STARD13: variants seen among roughly 807,000 people sequenced by gnomAD.
STARD13 encodes the protein stAR-related lipid transfer protein 13.
STARD13 carries 62 observed loss-of-function variants against 106.4 expected under a neutral mutation model. The ratio of observed to expected loss-of-function variants is 0.58; its 90% CI spans 0.48 to 0.72. The LOEUF (loss-of-function observed/expected upper bound fraction) is 0.72, where lower values mean the gene tolerates loss of function less well. STARD13 is among the 30% of genes least tolerant of loss of function. The pLI, the probability that STARD13 is intolerant of heterozygous loss-of-function variation, is 0.00. For missense variants in STARD13, 1,387 were observed against 1,424.0 expected, an observed-to-expected ratio of 0.97 and a Z score of 0.42; for synonymous variants, 565 against 553.0, an observed-to-expected ratio of 1.02 and a Z score of -0.31.
At chr13:33,108,043 C>G (rs1363195728) in intron 12 of STARD13, among the ~76,000 whole-genome samples, 1 of 152,210 alleles carries the variant, frequency 6.6e-6, no homozygotes, top group Admixed American at 6.5e-5. Flanking sequence ...TGTGACTACT[C>G]TTTTCATGAA....
At position 33,214,699 on chromosome 13, in the gene STARD13, T is replaced by TACAC. The variant is rs55996131; in HGVS notation, c.170-47081_170-47078dup. Among the ~76,000 whole-genome samples, 909 of 144,126 alleles carry TACAC rather than the reference T, an allele frequency of 6.3e-3. 8 individuals are homozygous for TACAC. Among genetic ancestry groups the TACAC allele is most frequent in the Middle Eastern group, 0.025 (7 of 276 alleles). 94.6% of individuals were successfully genotyped at this position (144,126 alleles called of 152,430 possible). ...GCAGATACACACACACATGCACACA[T>TACAC]ACACACACACACACACACACACACA... On this transcript the variant is annotated intron_variant, in intron 1 of 13. Transcript: ENST00000336934.
At chr13:33,545,577 T>C in the STARD13 span, among the ~76,000 whole-genome samples, 1 of 152,208 alleles carries the variant, frequency 6.6e-6, no homozygotes, top group South Asian at 2.1e-4. Context: ...ACGTTGAAAT[T>C]TGATCCCCAG....
At chr13:33,508,084 G>A in the STARD13 span, among the ~76,000 whole-genome samples, 1 of 152,278 alleles carries the variant, frequency 6.6e-6, no homozygotes, top group Non-Finnish European at 1.5e-5. Context: ...CAACTTTCAA[G>A]TCACTTGCCT....
chr13:33,206,397 C>A (rs376636946), intron 1 of STARD13, among the ~76,000 whole-genome samples: 1 of 136,142 alleles, frequency 7.3e-6, no homozygotes, highest in Non-Finnish European at 1.7e-5. Flanking sequence ...ACACACACAC[C>A]CATAAATAAT....
At chr13:33,144,030 C>T (rs537708792) in intron 3 of STARD13, among the ~76,000 whole-genome samples, 6 of 152,338 alleles carry the variant, frequency 3.9e-5, no homozygotes, top group Middle Eastern at 3.4e-3. Context: ...CTTCCTGCCA[C>T]GAAGCAGTAC....
the STARD13 span, among the ~76,000 whole-genome samples, chr13:33,505,933 T>C: frequency 6.6e-6 from 1 of 152,120 alleles, no homozygotes; most frequent in Non-Finnish European, 1.5e-5. Flanking sequence ...ACTACTGAGA[T>C]GTCATTTGCC....
Position 33,170,816 on chromosome 13 carries a change from C to T in STARD13, c.170-3194G>A, listed in dbSNP as rs1257314204. The stretch of plus-strand genomic sequence containing the variant: ...TCAATTTAAGGACAAAGCCAACTCT[C>T]ATTTACCAGCTAGTGACAAAACAAG... On this transcript the variant is annotated intron_variant, in intron 1 of 13. Coordinates refer to ENST00000336934, the MANE Select transcript of STARD13 (RefSeq NM_178006.4). Among the ~76,000 whole-genome samples, 4 of 152,300 alleles carry T rather than the reference C, an allele frequency of 2.6e-5. No homozygotes were observed. In the South Asian group the frequency reaches 8.3e-4, roughly 32 times the overall value.
At chr13:33,544,918 C>T in the STARD13 span, among the ~76,000 whole-genome samples, 1 of 151,598 alleles carries the variant, frequency 6.6e-6, no homozygotes, top group Non-Finnish European at 1.5e-5. Context: ...GGACTACAGG[C>T]GTGTGCCACC....
chr13:33,660,795 G>T, the STARD13 span, among the ~76,000 whole-genome samples: 1 of 152,156 alleles, frequency 6.6e-6, no homozygotes, highest in East Asian at 1.9e-4. Flanking sequence ...TGTTGCACAG[G>T]CTGGTCTTGA....
intron 1 of STARD13, among the ~76,000 whole-genome samples, chr13:33,339,554 T>C (rs2321205): frequency 0.73 from 111,518 of 152,110 alleles, 41,730 homozygotes; most frequent in East Asian, 0.97. Flanking sequence ...CTTTCCCACC[T>C]TTATGGTGCT....
the STARD13 span, among the ~76,000 whole-genome samples, chr13:33,542,934 C>T: frequency 5.3e-5 from 8 of 152,164 alleles, no homozygotes; most frequent in African/African-American, 1.9e-4. Context: ...CCGCCCTGGA[C>T]GGGGAGGGAC....
At chr13:33,598,917 A>AG in the STARD13 span, among the ~76,000 whole-genome samples, 2 of 152,238 alleles carry the variant, frequency 1.3e-5, no homozygotes, top group African/African-American at 4.8e-5. Context: ...TAAAAAATTT[A>AG]GGTTCAAGAG....
intron 1 of STARD13, among the ~76,000 whole-genome samples, chr13:33,171,447 T>C (rs746271040): frequency 2.6e-5 from 4 of 152,232 alleles, no homozygotes. Flanking sequence ...GTAATAATTA[T>C]TTCATTTTGC....
chr13:33,111,009 G>A (rs911374855), intron 10 of STARD13, 102 bp from the exon 11 acceptor site: 7 of 970,140 alleles, frequency 7.2e-6, no homozygotes, highest in African/African-American at 1.6e-5. Context: ...TCTGAGCCAC[G>A]GGCCGAGGGC....
chr13:33,595,217 A>G, the STARD13 span, among the ~76,000 whole-genome samples: 1 of 152,140 alleles, frequency 6.6e-6, no homozygotes, highest in Non-Finnish European at 1.5e-5. Context: ...TTAAGAGAGA[A>G]GCTTACTTCA....
the STARD13 span, chr13:33,656,783 C>A: frequency 6.6e-6 from 1 of 152,190 alleles, no homozygotes; most frequent in Non-Finnish European, 1.5e-5. Flanking sequence ...TAAATCTGTT[C>A]ATCTAAACCA....
chr13:33,492,488 T>C, the STARD13 span, among the ~76,000 whole-genome samples: 1 of 152,084 alleles, frequency 6.6e-6, no homozygotes, highest in Admixed American at 6.5e-5. Context: ...GCACAAGATA[T>C]AGGTCATAAA....
the STARD13 span, among the ~76,000 whole-genome samples, chr13:33,568,636 C>A: frequency 2.0e-5 from 3 of 147,772 alleles, no homozygotes; most frequent in East Asian, 6.1e-4. Flanking sequence ...GAATTAGTTT[C>A]TTGGGTTGTT....
intron 8 of STARD13, among the ~76,000 whole-genome samples, chr13:33,115,833 G>A (rs1383171196): frequency 6.6e-6 from 1 of 152,230 alleles, no homozygotes; most frequent in Non-Finnish European, 1.5e-5. Flanking sequence ...TTGTGAAGAT[G>A]TGATAATTAT....
Sources: allele counts gnomAD v4.1 joint callset (sites outside exome capture counted in the v4.1 genomes callset), GRCh38; gene constraint gnomAD v4.1.1; transcripts MANE v1.5; gene names NCBI Gene and HGNC (gene_info 2026-07-23, HGNC 2026-07-21).